The following SUPT3H variants were observed in gnomAD, a reference collection of about 807,000 sequenced individuals.
SUPT3H encodes transcription initiation protein SPT3 homolog.
In SUPT3H, 44 loss-of-function variants were observed where a neutral mutation model predicts 44.3. The observed-to-expected ratio is 0.99, with a 90% confidence interval of 0.78 to 1.28. The LOEUF (loss-of-function observed/expected upper bound fraction) is 1.28. Ranked by LOEUF, SUPT3H falls within the 50% of genes most tolerant of loss-of-function variation. The probability of loss-of-function intolerance (pLI) is 0.00; values close to 1 mark genes in which losing one functional copy is unlikely to be tolerated. For synonymous variants in SUPT3H, 124 were observed against 125.6 expected (o/e 0.99, Z 0.09); for missense variants, 380 against 387.1 (o/e 0.98, Z 0.15).
At chr6:45,102,337 G>A (rs1412749694) in intron 3 of SUPT3H, among the ~76,000 whole-genome samples, 4 of 151,984 alleles carry the variant, frequency 2.6e-5, no homozygotes, top group Admixed American at 6.6e-5. Flanking sequence ...CACAAAAGGG[G>A]AAAAGCCAAA....
In SUPT3H at chr6:44,876,845, A is replaced by AAG. The variant is rs917766640; in HGVS notation, c.913-46989_913-46988insCT. ...ATAAAGATCTTCAATTGAAAAAAAA[A>AAG]AAAAAGAAAAAGAAAAAAAAAGTGT... On this transcript the variant is annotated intron_variant, in intron 10 of 10. Transcript: ENST00000371459. Among the ~76,000 whole-genome samples the AAG allele has an allele frequency of 1.5e-4, 23 of 150,948 alleles. No individual in the cohort carries two copies. In the South Asian group the frequency reaches 1.9e-3, roughly 12 times the overall value.
intron 10 of SUPT3H, among the ~76,000 whole-genome samples, chr6:44,920,897 T>G (rs1039696400): frequency 2.6e-5 from 4 of 152,202 alleles, no homozygotes; most frequent in Non-Finnish European, 4.4e-5. Flanking sequence ...GTATTGTCTT[T>G]TCAAAATCAC....
intron 2 of SUPT3H, among the ~76,000 whole-genome samples, chr6:45,127,868 A>G (rs1322548988): frequency 6.6e-6 from 1 of 152,184 alleles, no homozygotes; most frequent in Non-Finnish European, 1.5e-5. Context: ...GCACAGCTTT[A>G]GATTCATCTA....
At chr6:45,082,860 G>A (rs924455922) in intron 3 of SUPT3H, among the ~76,000 whole-genome samples, 4 of 151,962 alleles carry the variant, frequency 2.6e-5, no homozygotes, top group Non-Finnish European at 4.4e-5. Flanking sequence ...AATAGGATTC[G>A]ACACCTAGAA....
intron 2 of SUPT3H, among the ~76,000 whole-genome samples, chr6:45,150,054 C>G (rs546587689): frequency 6.6e-6 from 1 of 152,004 alleles, no homozygotes; most frequent in East Asian, 1.9e-4. Flanking sequence ...TTTTTAAGAG[C>G]TCCTCAGAAT....
At chr6:45,283,294 C>G (rs981136189) in intron 2 of SUPT3H, among the ~76,000 whole-genome samples, 1 of 152,066 alleles carries the variant, frequency 6.6e-6, no homozygotes, top group Non-Finnish European at 1.5e-5. Context: ...CACTGCCAAA[C>G]TGGATAAAAA....
intron 2 of SUPT3H, among the ~76,000 whole-genome samples, chr6:45,143,006 T>C (rs1805495105): frequency 6.7e-6 from 1 of 149,476 alleles, no homozygotes; most frequent in African/African-American, 2.5e-5. Flanking sequence ...AACAAGAAAA[T>C]AACACAATTC....
intron 2 of SUPT3H, among the ~76,000 whole-genome samples, chr6:45,338,250 T>C (rs1356438224): frequency 2.0e-5 from 3 of 152,066 alleles, no homozygotes; most frequent in African/African-American, 7.2e-5. Context: ...ATTTGCTAAC[T>C]TAAACATCAC....
At chr6:45,016,331 TTTTTA>T (rs1784266271) in intron 4 of SUPT3H, among the ~76,000 whole-genome samples, 1 of 151,130 alleles carries the variant, frequency 6.6e-6, no homozygotes, top group Non-Finnish European at 1.5e-5. Context: ...TTTAAATTTT[TTTTTA>T]TTTATTTTTT....
chr6:45,098,268 A>C (rs1583522944), intron 3 of SUPT3H: 1 of 156,762 alleles, frequency 6.4e-6, no homozygotes, highest in Non-Finnish European at 1.4e-5. Context: ...GTTAGGCCTA[A>C]ATCTTAAGAC....
Position 45,095,284 on chromosome 6 carries a change from C to T in SUPT3H, c.186+10638G>A, listed in dbSNP as rs79020969. Among the ~76,000 whole-genome samples, 391 of 152,168 alleles carry T rather than the reference C, an allele frequency of 2.6e-3. 3 individuals carry two copies. The highest frequency in any genetic ancestry group is 8.6e-3 in the African/African-American group (357 of 41,506). On this transcript the variant is annotated intron_variant, in intron 3 of 10. Transcript: ENST00000371459. This position sits in a 1 kb window ranked among gnomAD's most constrained non-coding sequence, Gnocchi z 4.1. ...TTTGATAACCCTTATAATTGAAATT[C>T]TACATAGGAAACTTTATTACTATTT...
At chr6:45,308,248 C>G (rs556387864) in intron 2 of SUPT3H, among the ~76,000 whole-genome samples, 2 of 151,998 alleles carry the variant, frequency 1.3e-5, no homozygotes, top group African/African-American at 2.4e-5. Context: ...ATACAGAGAA[C>G]GCCACAAAGA....
chr6:45,115,089 A>G (rs1168148344), intron 2 of SUPT3H, among the ~76,000 whole-genome samples: 1 of 152,204 alleles, frequency 6.6e-6, no homozygotes, highest in Non-Finnish European at 1.5e-5. Context: ...TGTAATCACA[A>G]TAACACCTCA....
intron 10 of SUPT3H, among the ~76,000 whole-genome samples, chr6:44,907,071 G>A (rs1188261925): frequency 5.3e-5 from 8 of 152,158 alleles, no homozygotes; most frequent in Admixed American, 5.2e-4. Context: ...AATGACACTA[G>A]TTATGTTTCT....
rs1792643440 is a variant in SUPT3H, at chr6:45,354,133, C to CA, written c.101+11067dup. ...GTAGGAAAAATTAGGAAGTTAGTATCAAAAAAGTCTTTAGACTCAAAAATT... is the reference window on the plus strand; with the variant it reads ...GTAGGAAAAATTAGGAAGTTAGTATCAAAAAAAGTCTTTAGACTCAAAAATT... On this transcript the variant is annotated intron_variant, in intron 2 of 10. Transcript: ENST00000371459. 3.9e-5 allele frequency among the ~76,000 whole-genome samples: 6 copies of CA among 152,046 alleles called. No homozygotes were observed. The East Asian group carries it at 9.7e-4, about 24-fold the overall frequency.
chr6:45,068,347 A>T (rs1184255806), intron 3 of SUPT3H, among the ~76,000 whole-genome samples: 1 of 137,474 alleles, frequency 7.3e-6, no homozygotes, highest in Non-Finnish European at 1.6e-5. Flanking sequence ...TAGCATTGGG[A>T]GATATACCTA....
intron 10 of SUPT3H, among the ~76,000 whole-genome samples, chr6:44,862,851 T>A (rs1057127245): frequency 6.6e-6 from 1 of 152,064 alleles, no homozygotes; most frequent in South Asian, 2.1e-4. Flanking sequence ...TTAAAAAATT[T>A]TAAAAACACC....
At chr6:45,056,197 A>G (rs918210844) in intron 3 of SUPT3H, among the ~76,000 whole-genome samples, 7 of 152,212 alleles carry the variant, frequency 4.6e-5, no homozygotes, top group African/African-American at 1.2e-4. Context: ...GCTGTCGTGG[A>G]TGTGGTGAAA....
chr6:45,155,720 C>T (rs1401398048), intron 2 of SUPT3H, among the ~76,000 whole-genome samples: 4 of 152,024 alleles, frequency 2.6e-5, no homozygotes, highest in African/African-American at 7.2e-5. Context: ...CTCCTTTTCA[C>T]TGTTACATAA....
Sources: gnomAD v4.1 joint callset for allele counts (sites outside exome capture counted in the v4.1 genomes callset) on GRCh38, gnomAD v4.1.1 for gene constraint, Gnocchi (gnomAD v3.1) non-coding constraint, MANE v1.5 for transcripts, NCBI Gene and HGNC (gene_info 2026-07-23, HGNC 2026-07-21) for gene names.